The following STK39 variants were observed in gnomAD, a reference collection of about 807,000 sequenced individuals.
STK39 encodes serine/threonine kinase 39.
A neutral mutation model predicts 77.8 loss-of-function variants in STK39; 20 were observed. The ratio of observed to expected loss-of-function variants is 0.26; its 90% confidence interval spans 0.18 to 0.37. The LOEUF is 0.37. Ranked by LOEUF, STK39 falls within the 10% of genes least tolerant of loss-of-function variation. The pLI is 1.00. For missense variants in STK39, 479 were observed against 656.5 expected (o/e 0.73, Z 2.95); for synonymous variants, 246 against 234.1 (o/e 1.05, Z -0.47).
intron 2 of STK39, among the ~76,000 whole-genome samples, chr2:168,171,872 A>C (rs879913289): frequency 0.43 from 33,021 of 76,282 alleles, 4,910 homozygotes; most frequent in African/African-American, 0.51. Flanking sequence ...TCCCCCCCAC[A>C]CACAAAACAT....
intron 14 of STK39, among the ~76,000 whole-genome samples, chr2:168,046,138 C>T (rs1174721119): frequency 1.3e-5 from 2 of 152,230 alleles, no homozygotes; most frequent in East Asian, 1.9e-4. Context: ...GAGGCTGAGG[C>T]GGGCGGATCA....
chr2:168,134,780 G>A (rs1312597128), intron 8 of STK39, among the ~76,000 whole-genome samples: 2 of 152,138 alleles, frequency 1.3e-5, no homozygotes, highest in African/African-American at 2.4e-5. Flanking sequence ...GAGAGTTGAT[G>A]CATATGAGTG....
intron 10 of STK39, among the ~76,000 whole-genome samples, chr2:168,127,060 C>T (rs1687561977): frequency 6.6e-6 from 1 of 152,184 alleles, no homozygotes; most frequent in Admixed American, 6.5e-5. Flanking sequence ...TCACATCTCA[C>T]GAAACTCTAG....
chr2:168,046,087 G>A (rs1434352660), intron 14 of STK39, among the ~76,000 whole-genome samples: 1 of 152,200 alleles, frequency 6.6e-6, no homozygotes, highest in East Asian at 1.9e-4. Context: ...TAGCAAGATG[G>A]CCAGGCATGG....
At chr2:168,055,762 A>G (rs1685508148) in intron 14 of STK39, among the ~76,000 whole-genome samples, 1 of 152,252 alleles carries the variant, frequency 6.6e-6, no homozygotes, top group African/African-American at 2.4e-5. Context: ...GATTCTAATA[A>G]ACATGTTTTG....
intron 17 of STK39, among the ~76,000 whole-genome samples, chr2:167,963,648 A>C (rs1692063555): frequency 6.6e-6 from 1 of 152,174 alleles, no homozygotes; most frequent in Non-Finnish European, 1.5e-5. Context: ...TCAAAGCAAA[A>C]AGAATTCCTT....
intron 10 of STK39, among the ~76,000 whole-genome samples, chr2:168,084,419 A>C (rs1208961502): frequency 6.6e-6 from 1 of 152,242 alleles, no homozygotes; most frequent in Non-Finnish European, 1.5e-5. Flanking sequence ...AGTCAGGACA[A>C]GCCCTTTCTG....
At chr2:168,165,879 C>G (rs1688684186) in intron 3 of STK39, among the ~76,000 whole-genome samples, 1 of 152,134 alleles carries the variant, frequency 6.6e-6, no homozygotes, top group Admixed American at 6.5e-5. Context: ...TTTGGGTTGT[C>G]CAGGCACAGC....
At chr2:168,088,416 T>C (rs367868540) in intron 10 of STK39, among the ~76,000 whole-genome samples, 3 of 152,310 alleles carry the variant, frequency 2.0e-5, no homozygotes, top group Admixed American at 6.5e-5. Context: ...GTCTATCACC[T>C]GCATAGAGAG....
chr2:168,175,895 A>G (rs1188258356), intron 2 of STK39, among the ~76,000 whole-genome samples: 1 of 152,228 alleles, frequency 6.6e-6, no homozygotes, highest in Non-Finnish European at 1.5e-5. Flanking sequence ...CTAAGTGGCA[A>G]GAGACAGATG....
At chr2:167,977,825 C>G (rs1442976010) in intron 16 of STK39, among the ~76,000 whole-genome samples, 1 of 146,552 alleles carries the variant, frequency 6.8e-6, no homozygotes, top group South Asian at 2.1e-4. Flanking sequence ...AGGGGAATTG[C>G]AATGGAGAAA....
intron 10 of STK39, among the ~76,000 whole-genome samples, chr2:168,088,495 C>G (rs1164674117): frequency 1.3e-5 from 2 of 152,184 alleles, no homozygotes; most frequent in African/African-American, 4.8e-5. Flanking sequence ...ATCCTGTCCC[C>G]CAGCAGCAGA....
intron 16 of STK39, among the ~76,000 whole-genome samples, chr2:168,007,607 C>A (rs539168106): frequency 6.6e-6 from 1 of 151,962 alleles, no homozygotes; most frequent in Non-Finnish European, 1.5e-5. Context: ...GGATGGTGTG[C>A]GATTTTAATG....
intron 14 of STK39, among the ~76,000 whole-genome samples, chr2:168,037,865 T>C (rs1684998431): frequency 6.6e-6 from 1 of 152,178 alleles, no homozygotes; most frequent in Non-Finnish European, 1.5e-5. Context: ...TGAACATATA[T>C]TACCTTCATA....
chr2:167,956,696 ACTCT>A lies in STK39; in HGVS notation c.1564-1130_1564-1127del, dbSNP rs869141537. The stretch of plus-strand genomic sequence containing the variant: ...CACACACACACACACACACACACAC[ACTCT>A]CTCTCTCTCTCTCTCTCTCTCTCTC... On this transcript the variant is annotated intron_variant, in intron 17 of 17. Transcript: ENST00000355999. 1.0e-2 allele frequency among the ~76,000 whole-genome samples: 487 copies of A among 48,806 alleles called. 9 individuals are homozygous for A. Among genetic ancestry groups the A allele is most frequent in the East Asian group, 0.04 (100 of 2,522 alleles). 32.0% of individuals were successfully genotyped at this position (48,806 alleles called of 152,430 possible). A position where few individuals can be genotyped will look rare whatever the true frequency, so the allele number is the denominator to read the frequency against.
chr2:168,223,203 C>T (rs1377419339), intron 1 of STK39, among the ~76,000 whole-genome samples: 1 of 152,108 alleles, frequency 6.6e-6, no homozygotes, highest in Non-Finnish European at 1.5e-5. Flanking sequence ...AAAATAGGGA[C>T]CTTTCTTCTA....
Position 167,955,465 on chromosome 2 carries a change from G to T in STK39, c.*31C>A, listed in dbSNP as rs1394166855. 6.2e-7 allele frequency: 1 copy of T among 1,607,576 alleles called. No homozygotes were observed. The highest frequency in any genetic ancestry group is 2.2e-5 in the East Asian group (1 of 44,832). On this transcript the variant is annotated 3_prime_UTR_variant, in exon 18 of 18. Coordinates refer to ENST00000355999, the MANE Select transcript of STK39 (RefSeq NM_013233.3). ...GGGAGTAGGGGTGGCGGTGGGGCAT[G>T]ACAGATCAGGGTGACATCAAGGGAC...
At chr2:168,016,205 G>C (rs1052372892) in intron 15 of STK39, among the ~76,000 whole-genome samples, 1 of 152,168 alleles carries the variant, frequency 6.6e-6, no homozygotes, top group South Asian at 2.1e-4. Flanking sequence ...TGGGATTACA[G>C]GTGTGAGCCA....
intron 1 of STK39, among the ~76,000 whole-genome samples, chr2:168,191,682 C>T (rs1403561555): frequency 6.6e-6 from 1 of 152,148 alleles, no homozygotes; most frequent in Non-Finnish European, 1.5e-5. Flanking sequence ...TTCCCTCCTG[C>T]GTATCAGCTT....
Sources: allele counts gnomAD v4.1 joint callset (sites outside exome capture counted in the v4.1 genomes callset), GRCh38; gene constraint gnomAD v4.1.1; transcripts MANE v1.5; gene names NCBI Gene and HGNC (gene_info 2026-07-23, HGNC 2026-07-21).